The following UGT1A9 variants were observed in gnomAD, a reference collection of about 807,000 sequenced individuals.
UGT1A9 encodes the protein UDP-glucuronosyltransferase 1A9.
In UGT1A9, 35 loss-of-function variants were observed where a neutral mutation model predicts 45.0. That is an observed-to-expected ratio of 0.78 (90% CI 0.59 to 1.03). The LOEUF (loss-of-function observed/expected upper bound fraction) is 1.03. UGT1A9 is among the 50% of genes least tolerant of loss of function. UGT1A9 has a pLI of 0.00. For synonymous variants in UGT1A9, 278 were observed against 250.6 expected, an observed-to-expected ratio of 1.11 and a Z score of -1.03; for missense variants, 687 against 666.6, an observed-to-expected ratio of 1.03 and a Z score of -0.34.
rs2074238061 is a variant in UGT1A9 at position 233,672,716 on chromosome 2, A to G, written c.782A>G (p.Tyr261Cys). The part of the protein sequence containing the change: ...WLLRTDFVLD[Y>C]PKPVMPNMIF... The stretch of plus-strand genomic sequence containing the variant: ...TTGCGAACGGACTTTGTTTTGGACT[A>G]TCCCAAACCCGTGATGCCCAACATG... Residue 261 changes from tyrosine to cysteine, a missense_variant, in exon 1 of 5, where the codon TAT becomes TGT. Coordinates refer to ENST00000354728, the MANE Select transcript of UGT1A9 (RefSeq NM_021027.3). The G allele has an allele frequency of 6.2e-7, 1 of 1,613,960 alleles. No homozygotes were observed. The highest frequency in any genetic ancestry group is 8.5e-7 in the Non-Finnish European group (1 of 1,179,838).
intron 1 of UGT1A9, among the ~76,000 whole-genome samples, chr2:233,684,710 T>C (rs999519282): frequency 2.5e-4 from 38 of 152,122 alleles, no homozygotes; most frequent in African/African-American, 8.9e-4. Context: ...TATGTATTAA[T>C]GTATATATTT....
In UGT1A9 at chr2:233,772,680, C is replaced by T; in HGVS notation, c.*121C>T. 2 of 1,530,096 alleles carry T rather than the reference C, an allele frequency of 1.3e-6. No homozygotes were observed. The highest frequency in any genetic ancestry group is 2.5e-5 in the South Asian group (2 of 81,594). 94.8% of individuals were successfully genotyped at this position (1,530,096 alleles called of 1,614,324 possible). A position where few individuals can be genotyped will look rare whatever the true frequency, so the allele number is the denominator to read the frequency against. On this transcript the variant is annotated 3_prime_UTR_variant, in exon 5 of 5. Transcript: ENST00000354728. ...AAGGAAATACTTTGCATAAATTAAT[C>T]AGCCCCAGAGTGCTTTAAAAAATTC...
rs1700515616 is a variant in UGT1A9, at chr2:233,772,390, C to A, written c.1424C>A (p.Ala475Asp). 4 of 1,614,144 alleles carry A rather than the reference C, an allele frequency of 2.5e-6. No individual in the cohort carries two copies. The highest frequency in any genetic ancestry group is 3.4e-6 in the Non-Finnish European group (4 of 1,180,058). Residue 475 changes from alanine (A) to aspartate (D), a missense_variant, in exon 5 of 5, where the codon GCC (alanine) becomes GAC (aspartate). Transcript: ENST00000354728. ...GGCGCGCCACACCTGCGCCCCGCAGCCCACGACCTCACCTGGTACCAGTAC... is the reference window on the plus strand; with the variant it reads ...GGCGCGCCACACCTGCGCCCCGCAGACCACGACCTCACCTGGTACCAGTAC... ...HKGAPHLRPA[A>D]HDLTWYQYHS...
At chr2:233,771,865 A>G (rs1241166548) in intron 4 of UGT1A9, among the ~76,000 whole-genome samples, 1 of 149,352 alleles carries the variant, frequency 6.7e-6, no homozygotes, top group Non-Finnish European at 1.5e-5. Context: ...GATCAATAAC[A>G]TTTATTAAGA....
chr2:233,699,893 G>A lies in UGT1A9; in HGVS notation c.855+27104G>A, dbSNP rs193246274. Among the ~76,000 whole-genome samples the A allele has an allele frequency of 5.3e-5, 8 of 152,302 alleles. No homozygotes were observed. The East Asian group carries it at 1.5e-3, about 29-fold the overall frequency. On this transcript the variant is annotated intron_variant, in intron 1 of 4. Coordinates refer to ENST00000354728, the MANE Select transcript of UGT1A9 (RefSeq NM_021027.3). Reference sequence around the variant, plus strand: ...TTTTTGGTGTTGCAATTGGAGAGGCGAAATAGTCAGTAGGATATACGTAGA... The same window carrying A: ...TTTTTGGTGTTGCAATTGGAGAGGCAAAATAGTCAGTAGGATATACGTAGA...
intron 1 of UGT1A9, among the ~76,000 whole-genome samples, chr2:233,698,359 G>A (rs17863784): frequency 0.048 from 7,312 of 152,282 alleles, 193 homozygotes; most frequent in Non-Finnish European, 0.059. Context: ...TGAATGTGCT[G>A]AATGCCATGA....
At chr2:233,712,764 G>T (rs1312823466) in intron 1 of UGT1A9, among the ~76,000 whole-genome samples, 1 of 152,224 alleles carries the variant, frequency 6.6e-6, no homozygotes, top group Non-Finnish European at 1.5e-5. Flanking sequence ...CGAGCGCAAG[G>T]TCAGATGAGT....
At chr2:233,693,939 G>A in intron 1 of UGT1A9, 1 of 1,604,432 alleles carries the variant, frequency 6.2e-7, no homozygotes, top group Admixed American at 1.7e-5. Flanking sequence ...TTGGCTCCTT[G>A]AGCCGACTGT....
intron 1 of UGT1A9, among the ~76,000 whole-genome samples, chr2:233,737,291 C>T (rs771202553): frequency 3.3e-5 from 5 of 152,210 alleles, no homozygotes; most frequent in South Asian, 2.1e-4. Context: ...GCCAGGCTGC[C>T]GCCTCACAGT....
chr2:233,689,907 A>G, intron 1 of UGT1A9: 1 of 456,722 alleles, frequency 2.2e-6, no homozygotes, highest in South Asian at 1.5e-5. Flanking sequence ...AGGGCCAGGT[A>G]GGTGCCTGGA....
At chr2:233,685,445 C>A (rs1384773104) in intron 1 of UGT1A9, among the ~76,000 whole-genome samples, 2 of 152,212 alleles carry the variant, frequency 1.3e-5, no homozygotes, top group African/African-American at 4.8e-5. Flanking sequence ...CGAGCTGAAT[C>A]TACACCATCT....
At chr2:233,678,286 C>T (rs1462212893) in intron 1 of UGT1A9, among the ~76,000 whole-genome samples, 2 of 152,168 alleles carry the variant, frequency 1.3e-5, no homozygotes, top group African/African-American at 4.8e-5. Context: ...GTAACCTGCA[C>T]ATGTACTCCT....
Position 233,672,186 on chromosome 2 carries a change from G to A in UGT1A9, c.252G>A (p.Glu84=). The change falls in exon 1 of 5, where the codon GAG becomes GAA. Residue 84 remains glutamate (E), a synonymous_variant. Transcript: ENST00000354728. ...VKTYSTSYTL[E]DLDREFKAFA... is the part of the protein sequence containing the mutation. Reference sequence around the variant, plus strand: ...CTTATTCAACTTCATATACCCTGGAGGATCTGGACCGGGAGTTCAAGGCTT... The same window carrying A: ...CTTATTCAACTTCATATACCCTGGAAGATCTGGACCGGGAGTTCAAGGCTT... 6.2e-7 allele frequency: 1 copy of A among 1,614,184 alleles called. No individual in the cohort carries two copies.
chr2:233,733,221 G>A (rs531413389), intron 1 of UGT1A9, among the ~76,000 whole-genome samples: 6 of 152,072 alleles, frequency 3.9e-5, no homozygotes, highest in African/African-American at 1.4e-4. Context: ...GAGACAATGG[G>A]GTTTTCTAAA....
intron 1 of UGT1A9, chr2:233,760,319 T>A (rs201984525): frequency 1.2e-6 from 2 of 1,614,040 alleles, no homozygotes; most frequent in Non-Finnish European, 1.7e-6. Flanking sequence ...GGACGCCCAC[T>A]TGTCCTGGGC....
rs1274189847 is a variant in UGT1A9, at chr2:233,773,108, T to A, written c.*549T>A. 6.4e-6 allele frequency: 1 copy of A among 155,390 alleles called. No individual in the cohort carries two copies. The highest frequency in any genetic ancestry group is 2.4e-5 in the African/African-American group (1 of 41,446). The allele number at this position is 155,390 out of a possible 1,614,324, so 9.6% of individuals were successfully genotyped here. A position where few individuals can be genotyped will look rare whatever the true frequency, so the allele number is the denominator to read the frequency against. On this transcript the variant is annotated 3_prime_UTR_variant, in exon 5 of 5. Coordinates refer to ENST00000354728, the MANE Select transcript of UGT1A9 (RefSeq NM_021027.3). ...AGTGCACTGAGAACAGCATATGATT[T>A]CTTGCTTTGGGGAAAAAGAATGATG...
At chr2:233,728,241 AG>A (rs2077692847) in intron 1 of UGT1A9, among the ~76,000 whole-genome samples, 1 of 152,098 alleles carries the variant, frequency 6.6e-6, no homozygotes, top group Non-Finnish European at 1.5e-5. Context: ...GATGAAATAA[AG>A]GCCTGGATGA....
chr2:233,703,328 T>C (rs937149928), intron 1 of UGT1A9, among the ~76,000 whole-genome samples: 4 of 152,052 alleles, frequency 2.6e-5, no homozygotes, highest in African/African-American at 9.7e-5. Flanking sequence ...CAATTTTGAG[T>C]CTTCTCTCTT....
rs1699290986 is a variant in UGT1A9 at position 233,766,960 on chromosome 2, A to T, written c.856-74A>T. 4.4e-6 allele frequency: 7 copies of T among 1,607,258 alleles called. No homozygotes were observed. The South Asian group carries it at 7.8e-5, about 18-fold the overall frequency. On this transcript the variant is annotated intron_variant, in intron 1 of 4. Transcript: ENST00000354728. ...CATAGTCTTAAGAGGAAGATATCTA[A>T]TTCATAACTTACTGTATGTAGTCAT...
Sources: allele counts gnomAD v4.1 joint callset (sites outside exome capture counted in the v4.1 genomes callset), GRCh38; gene constraint gnomAD v4.1.1; transcripts MANE v1.5; gene names NCBI Gene and HGNC (gene_info 2026-07-23, HGNC 2026-07-21).